PLCB1: variants seen among roughly 807,000 people sequenced by gnomAD.
PLCB1 encodes phospholipase C beta 1.
PLCB1 carries 46 observed loss-of-function variants against 161.8 expected under a neutral mutation model. That is an observed-to-expected ratio of 0.28 (90% CI 0.22 to 0.36). PLCB1 has a LOEUF of 0.36. Ranked by LOEUF, PLCB1 falls within the 10% of genes least tolerant of loss-of-function variation. The pLI, the probability that PLCB1 is intolerant of heterozygous loss-of-function variation, is 1.00. For synonymous variants in PLCB1, 517 were observed against 503.7 expected (o/e 1.03, Z -0.35); for missense variants, 1,016 against 1,472.5 (o/e 0.69, Z 5.07).
At chr20:8,543,031 G>C (rs1985394296) in intron 3 of PLCB1, among the ~76,000 whole-genome samples, 1 of 152,092 alleles carries the variant, frequency 6.6e-6, no homozygotes, top group Admixed American at 6.5e-5. Context: ...CCCTTATGTT[G>C]GTGATAAATG....
intron 2 of PLCB1, among the ~76,000 whole-genome samples, chr20:8,196,664 A>ATATATATATATATATATATATAT (rs397786544): frequency 6.7e-6 from 1 of 149,598 alleles, no homozygotes; most frequent in African/African-American, 2.4e-5. Context: ...ATATATATAT[A>ATATATATATATATATATATATAT]AAATATATAT....
At chr20:8,175,695 A>T (rs1165735351) in intron 2 of PLCB1, among the ~76,000 whole-genome samples, 1 of 152,208 alleles carries the variant, frequency 6.6e-6, no homozygotes, top group Admixed American at 6.5e-5. Context: ...TCTGTGTAAA[A>T]TCCTAAAAAG....
At chr20:8,500,282 C>G (rs114431087) in intron 3 of PLCB1, among the ~76,000 whole-genome samples, 1 of 152,120 alleles carries the variant, frequency 6.6e-6, no homozygotes, top group Admixed American at 6.6e-5. Flanking sequence ...TTATACCATA[C>G]GAATTGGTCT....
intron 11 of PLCB1, among the ~76,000 whole-genome samples, chr20:8,705,796 T>G (rs997481130): frequency 6.6e-6 from 1 of 152,170 alleles, no homozygotes; most frequent in Admixed American, 6.5e-5. Flanking sequence ...GAAAAAGAGA[T>G]GTATTTAAAG....
At position 8,417,052 on chromosome 20, in the gene PLCB1, C is replaced by CATAT. The variant is rs1568667920; in HGVS notation, c.246+45603_246+45604insTATA. 4.7e-3 allele frequency among the ~76,000 whole-genome samples: 295 copies of CATAT among 63,126 alleles called. 1 individual carries two copies. The highest frequency in any genetic ancestry group is 0.018 in the South Asian group (23 of 1,290). The allele number at this position is 63,126 out of a possible 152,430, so 41.4% of individuals were successfully genotyped here. On this transcript the variant is annotated intron_variant, in intron 3 of 31. Transcript: ENST00000338037. ...ACACACACACACACACACACACACA[C>CATAT]ACATATATATATATATATATATTTT...
intron 31 of PLCB1, among the ~76,000 whole-genome samples, chr20:8,830,101 G>A (rs56194604): frequency 0.29 from 43,920 of 152,010 alleles, 6,494 homozygotes; most frequent in Middle Eastern, 0.4. Context: ...ACTGCGTATC[G>A]TTTCCAGAGG....
At chr20:8,381,953 T>G (rs1987266472) in intron 3 of PLCB1, among the ~76,000 whole-genome samples, 1 of 152,200 alleles carries the variant, frequency 6.6e-6, no homozygotes, top group East Asian at 1.9e-4. Flanking sequence ...TCTATCTCCT[T>G]CAGGTCTGCC....
chr20:8,870,470 G>C (rs1450958463), intron 31 of PLCB1, among the ~76,000 whole-genome samples: 1 of 152,152 alleles, frequency 6.6e-6, no homozygotes, highest in African/African-American at 2.4e-5. Flanking sequence ...GACTATGTTA[G>C]GAGTTTTCCT....
intron 31 of PLCB1, among the ~76,000 whole-genome samples, chr20:8,870,253 T>G (rs910565851): frequency 6.6e-6 from 1 of 152,194 alleles, no homozygotes; most frequent in Non-Finnish European, 1.5e-5. Context: ...CCCTAACTTC[T>G]CTGGGCCACA....
At chr20:8,342,901 G>C (rs1985863934) in intron 2 of PLCB1, among the ~76,000 whole-genome samples, 1 of 152,168 alleles carries the variant, frequency 6.6e-6, no homozygotes, top group Non-Finnish European at 1.5e-5. Flanking sequence ...GTATTATTCA[G>C]CTACAGTAGA....
At chr20:8,593,980 G>A (rs993202501) in intron 3 of PLCB1, among the ~76,000 whole-genome samples, 2 of 152,074 alleles carry the variant, frequency 1.3e-5, no homozygotes, top group Admixed American at 1.3e-4. Flanking sequence ...AACCTCCTGG[G>A]CTCAAGTGAT....
At chr20:8,664,350 C>T (rs907859480) in intron 9 of PLCB1, among the ~76,000 whole-genome samples, 1 of 151,868 alleles carries the variant, frequency 6.6e-6, no homozygotes, top group African/African-American at 2.4e-5. Flanking sequence ...ATTATAATGG[C>T]GAAGCAATTT....
chr20:8,652,577 C>T (rs1249328438), intron 7 of PLCB1: 1 of 151,924 alleles, frequency 6.6e-6, no homozygotes, highest in Admixed American at 6.6e-5. Context: ...AAACAAGCCA[C>T]GGAAGAAAAG....
At position 8,403,979 on chromosome 20, in the gene PLCB1, C is replaced by T. The variant is rs183872192; in HGVS notation, c.246+32529C>T. ...TTTGTCTATAATGTCCTTTATGATG[C>T]AGAATTTATCTGATACTTTGAGTTA... On this transcript the variant is annotated intron_variant, in intron 3 of 31. Transcript: ENST00000338037. Among the ~76,000 whole-genome samples the T allele has an allele frequency of 3.0e-3, 451 of 152,216 alleles. 4 individuals carry two copies. The highest frequency in any genetic ancestry group is 2.7e-3 in the Non-Finnish European group (186 of 68,020).
intron 14 of PLCB1, among the ~76,000 whole-genome samples, chr20:8,719,914 T>A (rs6056034): frequency 0.79 from 119,800 of 152,122 alleles, 48,240 homozygotes; most frequent in East Asian, 0.92. Flanking sequence ...TCTGTCTCAA[T>A]TGCCTGTTTT....
intron 2 of PLCB1, among the ~76,000 whole-genome samples, chr20:8,227,463 G>A (rs1029797979): frequency 9.2e-5 from 14 of 152,012 alleles, no homozygotes; most frequent in Non-Finnish European, 1.9e-4. Flanking sequence ...ATAGCATACT[G>A]CTGACCTCAC....
At chr20:8,558,582 G>T (rs1986041385) in intron 3 of PLCB1, among the ~76,000 whole-genome samples, 1 of 151,692 alleles carries the variant, frequency 6.6e-6, no homozygotes, top group Non-Finnish European at 1.5e-5. Context: ...TACACATTCA[G>T]GAAGCTTGAT....
chr20:8,414,140 CA>C (rs60727694), intron 3 of PLCB1, among the ~76,000 whole-genome samples: 3,320 of 141,586 alleles, frequency 0.023, 131 homozygotes, highest in African/African-American at 0.08. Flanking sequence ...ACTATCAAGA[CA>C]AAAAAAAAAG....
chr20:8,264,456 G>A (rs1981853929), intron 2 of PLCB1, among the ~76,000 whole-genome samples: 1 of 152,010 alleles, frequency 6.6e-6, no homozygotes, highest in Admixed American at 6.6e-5. Context: ...ACATAAACCA[G>A]TAACATAGTT....
Sources: allele counts gnomAD v4.1 joint callset (sites outside exome capture counted in the v4.1 genomes callset), GRCh38; gene constraint gnomAD v4.1.1; transcripts MANE v1.5; gene names NCBI Gene and HGNC (gene_info 2026-07-23, HGNC 2026-07-21).